PTPRT: variants seen among roughly 807,000 people sequenced by gnomAD.
PTPRT encodes protein tyrosine phosphatase receptor type T.
Under a neutral mutation model 176.8 loss-of-function variants are expected in PTPRT, and 56 were observed. That is an observed-to-expected ratio of 0.32 (90% confidence interval 0.26 to 0.40). The LOEUF (loss-of-function observed/expected upper bound fraction) is 0.40. Among genes scored for constraint, PTPRT ranks in the 10% least tolerant of loss-of-function variants. The pLI is 1.00. For missense variants in PTPRT, 1,540 were observed against 1,908.2 expected (o/e 0.81, Z 3.60); for synonymous variants, 783 against 739.0 (o/e 1.06, Z -0.96).
chr20:42,430,569 G>T (rs2059207089), intron 9 of PTPRT, among the ~76,000 whole-genome samples: 1 of 152,182 alleles, frequency 6.6e-6, no homozygotes, highest in South Asian at 2.1e-4. Flanking sequence ...CATGGCTGGT[G>T]ATGTATCATA....
chr20:42,958,740 T>C (rs900518850), intron 1 of PTPRT, among the ~76,000 whole-genome samples: 8 of 152,134 alleles, frequency 5.3e-5, no homozygotes, highest in African/African-American at 1.2e-4. Context: ...ATAATTATAC[T>C]GGGGAACAAT....
At chr20:42,467,952 G>A (rs950399645) in intron 8 of PTPRT, among the ~76,000 whole-genome samples, 5 of 152,188 alleles carry the variant, frequency 3.3e-5, no homozygotes, top group Admixed American at 1.3e-4. Flanking sequence ...AAAGTGAGCT[G>A]CCAAGCAAAA....
chr20:42,130,468 C>T (rs1303352628), intron 18 of PTPRT, among the ~76,000 whole-genome samples: 2 of 152,168 alleles, frequency 1.3e-5, no homozygotes, highest in East Asian at 1.9e-4. Context: ...CTCCTTCTCT[C>T]CAATCTCCCA....
chr20:42,385,029 G>A (rs1200123631), intron 9 of PTPRT, among the ~76,000 whole-genome samples: 1 of 152,094 alleles, frequency 6.6e-6, no homozygotes, highest in East Asian at 1.9e-4. Flanking sequence ...CTTCCATTCT[G>A]TAGGCTGTCT....
chr20:42,147,317 G>A (rs1032269270), intron 17 of PTPRT, among the ~76,000 whole-genome samples: 1 of 152,154 alleles, frequency 6.6e-6, no homozygotes, highest in Non-Finnish European at 1.5e-5. Context: ...GCCTAGTTGT[G>A]TTCCCATCCA....
intron 1 of PTPRT, among the ~76,000 whole-genome samples, chr20:43,186,961 C>T (rs928682434): frequency 1.1e-4 from 17 of 152,182 alleles, no homozygotes; most frequent in Non-Finnish European, 4.4e-5. Flanking sequence ...ATTTAACTGT[C>T]TCTCTCTTCC....
intron 9 of PTPRT, among the ~76,000 whole-genome samples, chr20:42,417,433 C>G (rs1275263839): frequency 6.6e-6 from 1 of 151,774 alleles, no homozygotes; most frequent in East Asian, 1.9e-4. Flanking sequence ...TCGTTGTTTC[C>G]CTGCAAACAC....
At chr20:42,489,045 TG>T (rs2071514313) in intron 7 of PTPRT, among the ~76,000 whole-genome samples, 2 of 141,724 alleles carry the variant, frequency 1.4e-5, no homozygotes, top group Non-Finnish European at 3.0e-5. Flanking sequence ...TGTGTGTGTG[TG>T]TGTGTGTGTG....
At chr20:42,652,226 G>C (rs1023525344) in intron 7 of PTPRT, among the ~76,000 whole-genome samples, 1 of 152,098 alleles carries the variant, frequency 6.6e-6, no homozygotes, top group African/African-American at 2.4e-5. Context: ...ATGAAATCAG[G>C]ATACTTGGAG....
At chr20:42,544,567 G>C (rs1223539995) in intron 7 of PTPRT, among the ~76,000 whole-genome samples, 2 of 152,154 alleles carry the variant, frequency 1.3e-5, no homozygotes, top group African/African-American at 4.8e-5. Flanking sequence ...GCATATCACA[G>C]ATATGTAAGA....
intron 1 of PTPRT, among the ~76,000 whole-genome samples, chr20:43,002,115 G>GC (rs879761248): frequency 0.011 from 1,751 of 152,264 alleles, 88 homozygotes; most frequent in Admixed American, 0.081. Context: ...TCCTGTGCAT[G>GC]CACTTTCTCC....
chr20:42,171,286 T>C lies in PTPRT; in HGVS notation c.2492-9744A>G, dbSNP rs151280570. ...GAAGTCTTGTTATAAAAAAAGTTGA[T>C]TTGGTAAACACAGATATGAGTGTAA... On this transcript the variant is annotated intron_variant, in intron 16 of 30. Coordinates refer to ENST00000373187, the MANE Select transcript of PTPRT (RefSeq NM_007050.6). Among the ~76,000 whole-genome samples the C allele has an allele frequency of 2.3e-3, 352 of 152,216 alleles. 9 individuals are homozygous for C. The East Asian group carries it at 0.055, about 24-fold the overall frequency.
chr20:42,751,416 AC>A (rs1194653818), intron 6 of PTPRT, among the ~76,000 whole-genome samples: 1 of 152,212 alleles, frequency 6.6e-6, no homozygotes, highest in Non-Finnish European at 1.5e-5. Flanking sequence ...ACAGGAAAGG[AC>A]CAGAGAATTC....
intron 11 of PTPRT, among the ~76,000 whole-genome samples, chr20:42,324,153 T>A (rs937029971): frequency 3.3e-5 from 5 of 152,160 alleles, no homozygotes; most frequent in African/African-American, 4.8e-5. Context: ...GTAAACAATA[T>A]GTGGTATATC....
intron 7 of PTPRT, among the ~76,000 whole-genome samples, chr20:42,613,848 C>A (rs377197901): frequency 6.6e-6 from 1 of 152,086 alleles, no homozygotes; most frequent in Non-Finnish European, 1.5e-5. Flanking sequence ...TTTAATAATA[C>A]TTTTAGAATG....
chr20:42,058,447 T>C, the PTPRT span, among the ~76,000 whole-genome samples: 5 of 152,128 alleles, frequency 3.3e-5, no homozygotes, highest in Non-Finnish European at 7.4e-5. Flanking sequence ...TTTCCTTAAG[T>C]GTATGATTTG....
intron 13 of PTPRT, 108 bp from the exon 14 acceptor site, chr20:42,248,930 A>T: frequency 7.4e-7 from 1 of 1,347,632 alleles, no homozygotes; most frequent in Non-Finnish European, 1.0e-6. Flanking sequence ...ACTATGTGCC[A>T]GGCACTGTGC....
intron 1 of PTPRT, among the ~76,000 whole-genome samples, chr20:43,187,948 G>A (rs1433196283): frequency 2.6e-5 from 4 of 152,220 alleles, no homozygotes; most frequent in Admixed American, 2.0e-4. Flanking sequence ...CATCCGGAAC[G>A]GGCGGCGTTC....
intron 15 of PTPRT, among the ~76,000 whole-genome samples, chr20:42,211,385 G>T (rs1397777018): frequency 6.6e-6 from 1 of 150,588 alleles, no homozygotes; most frequent in Non-Finnish European, 1.5e-5. Context: ...GAAAATTTTC[G>T]CAACCTACTC....
Sources: allele counts gnomAD v4.1 joint callset (sites outside exome capture counted in the v4.1 genomes callset), GRCh38; gene constraint gnomAD v4.1.1; transcripts MANE v1.5; gene names NCBI Gene and HGNC (gene_info 2026-07-23, HGNC 2026-07-21).